The following RBM47 variants were observed in gnomAD, a reference collection of about 807,000 sequenced individuals.
RBM47 encodes RNA-binding protein 47.
RBM47 carries 21 observed loss-of-function variants against 47.1 expected under a neutral mutation model. The ratio of observed to expected loss-of-function variants is 0.45; its 90% confidence interval spans 0.32 to 0.64. RBM47 has a LOEUF of 0.64. Ranked by LOEUF, RBM47 falls within the 30% of genes least tolerant of loss-of-function variation. The pLI, the probability that RBM47 is intolerant of heterozygous loss-of-function variation, is 0.05. For missense variants in RBM47, 708 were observed against 870.9 expected (o/e 0.81, Z 2.35); for synonymous variants, 375 against 361.7 (o/e 1.04, Z -0.42).
chr4:40,572,396 A>G (rs943901840), intron 1 of RBM47, among the ~76,000 whole-genome samples: 6 of 151,938 alleles, frequency 3.9e-5, no homozygotes, highest in Admixed American at 1.3e-4. Flanking sequence ...GGAAGCTCTC[A>G]ATGTACTGTT....
intron 2 of RBM47, among the ~76,000 whole-genome samples, chr4:40,524,320 T>C (rs1051771976): frequency 6.6e-6 from 1 of 152,200 alleles, no homozygotes; most frequent in Non-Finnish European, 1.5e-5. Context: ...AGCTAATTAT[T>C]GGTGGAAAGC....
intron 1 of RBM47, among the ~76,000 whole-genome samples, chr4:40,617,020 C>T (rs1328943322): frequency 5.3e-5 from 8 of 151,374 alleles, no homozygotes; most frequent in Non-Finnish European, 1.0e-4. Flanking sequence ...GGATTACAGG[C>T]GCCCGCCACT....
At chr4:40,508,092 C>G (rs1367015226) in intron 2 of RBM47, among the ~76,000 whole-genome samples, 1 of 152,152 alleles carries the variant, frequency 6.6e-6, no homozygotes, top group East Asian at 1.9e-4. Context: ...GTCTGCAGTA[C>G]GTAAAACCTG....
chr4:40,583,400 A>AG (rs1560486114), intron 1 of RBM47, among the ~76,000 whole-genome samples: 1 of 149,810 alleles, frequency 6.7e-6, no homozygotes, highest in East Asian at 2.0e-4. Flanking sequence ...AAAAAAAAAA[A>AG]AAAAAAAAAA....
intron 3 of RBM47, among the ~76,000 whole-genome samples, chr4:40,458,328 T>C (rs1716597700): frequency 6.6e-6 from 1 of 152,186 alleles, no homozygotes; most frequent in South Asian, 2.1e-4. Context: ...TTGGTGAACA[T>C]TAGTCATTTC....
intron 1 of RBM47, among the ~76,000 whole-genome samples, chr4:40,547,259 C>T (rs910736442): frequency 1.1e-4 from 16 of 152,176 alleles, no homozygotes; most frequent in Non-Finnish European, 2.1e-4. Context: ...CCTAGTATCT[C>T]ACAATGTGAC....
In RBM47 at chr4:40,531,414, A is replaced by AT. The variant is rs111953755; in HGVS notation, c.-155+13007dup. Among the ~76,000 whole-genome samples the AT allele has an allele frequency of 9.2e-3, 1,406 of 152,052 alleles. 18 individuals are homozygous for AT. Among genetic ancestry groups the AT allele is most frequent in the African/African-American group, 0.032 (1,320 of 41,468 alleles). ...CTCCCCTGGTCCTAGGACAAGGAGG[A>AT]TGCTGGCCTGCCAAGCAGAGAGGGT... is the stretch of plus-strand genomic sequence containing the variant. On this transcript the variant is annotated intron_variant, in intron 2 of 6. Coordinates refer to ENST00000295971, the MANE Select transcript of RBM47 (RefSeq NM_001098634.2).
chr4:40,500,991 T>C (rs951458390), intron 2 of RBM47, among the ~76,000 whole-genome samples: 8 of 152,032 alleles, frequency 5.3e-5, no homozygotes, highest in African/African-American at 1.9e-4. Flanking sequence ...TGCAAGTCAA[T>C]ATTTAAACTG....
At chr4:40,488,132 GC>G (rs749231109) in intron 2 of RBM47, among the ~76,000 whole-genome samples, 40 of 152,064 alleles carry the variant, frequency 2.6e-4, no homozygotes, top group Non-Finnish European at 4.6e-4. Flanking sequence ...GACCAGCCTG[GC>G]CAACATGGTG....
At chr4:40,520,296 A>AT (rs1726074256) in intron 2 of RBM47, among the ~76,000 whole-genome samples, 1 of 152,100 alleles carries the variant, frequency 6.6e-6, no homozygotes, top group Non-Finnish European at 1.5e-5. Context: ...TTATAATAGC[A>AT]TTTTCCACCT....
At chr4:40,511,118 T>C (rs1423558976) in intron 2 of RBM47, among the ~76,000 whole-genome samples, 1 of 152,194 alleles carries the variant, frequency 6.6e-6, no homozygotes, top group African/African-American at 2.4e-5. Flanking sequence ...ATGGCCCAAG[T>C]GTCTGAAGGT....
rs541965857 is a variant in RBM47, at chr4:40,495,055, C to T, written c.-154-28356G>A. Among the ~76,000 whole-genome samples the T allele has an allele frequency of 5.9e-5, 9 of 152,288 alleles. No homozygotes were observed. In the East Asian group the frequency reaches 1.7e-3, roughly 29 times the overall value. Reference sequence around the variant, plus strand: ...TTCCCCAGCTCAAGCGATCCTCCTGCCTCAGCCTCCTGAGCAGCTGGGACT... The same window carrying T: ...TTCCCCAGCTCAAGCGATCCTCCTGTCTCAGCCTCCTGAGCAGCTGGGACT... On this transcript the variant is annotated intron_variant, in intron 2 of 6. Coordinates refer to ENST00000295971, the MANE Select transcript of RBM47 (RefSeq NM_001098634.2).
intron 1 of RBM47, among the ~76,000 whole-genome samples, chr4:40,548,414 C>A (rs143769408): frequency 1.3e-5 from 2 of 152,250 alleles, no homozygotes; most frequent in East Asian, 3.9e-4. Flanking sequence ...AGGGAGCCAT[C>A]GGAGAATTTT....
chr4:40,537,056 AC>A (rs1728059540), intron 2 of RBM47, among the ~76,000 whole-genome samples: 1 of 152,132 alleles, frequency 6.6e-6, no homozygotes, highest in African/African-American at 2.4e-5. Flanking sequence ...AGACAAAGTA[AC>A]TAACCACTAG....
chr4:40,627,960 G>C (rs1737892089), intron 1 of RBM47, among the ~76,000 whole-genome samples: 1 of 152,120 alleles, frequency 6.6e-6, no homozygotes, highest in South Asian at 2.1e-4. Context: ...AAAACCAAGA[G>C]GAAGATAATA....
chr4:40,541,161 G>A (rs552376103), intron 2 of RBM47, among the ~76,000 whole-genome samples: 2 of 151,370 alleles, frequency 1.3e-5, no homozygotes, highest in East Asian at 2.0e-4. Context: ...AGCTACTCAC[G>A]AGGCTGAGGA....
chr4:40,447,092 T>C (rs893748723), intron 3 of RBM47, among the ~76,000 whole-genome samples: 6 of 152,184 alleles, frequency 3.9e-5, no homozygotes, highest in South Asian at 4.1e-4. Flanking sequence ...ACTTGCCACA[T>C]TGGATGCAAA....
At chr4:40,569,239 A>T (rs533904649) in intron 1 of RBM47, among the ~76,000 whole-genome samples, 8 of 152,106 alleles carry the variant, frequency 5.3e-5, no homozygotes, top group Middle Eastern at 3.4e-3. Flanking sequence ...CCATAGAGTG[A>T]AATTATTAGA....
chr4:40,579,423 G>GAAAAAAAAA (rs10653342), intron 1 of RBM47, among the ~76,000 whole-genome samples: 4 of 101,958 alleles, frequency 3.9e-5, no homozygotes, highest in Non-Finnish European at 5.4e-5. Flanking sequence ...CCCTGTCTCA[G>GAAAAAAAAA]AAAAAAAAAA....
Sources: gnomAD v4.1 joint callset for allele counts (sites outside exome capture counted in the v4.1 genomes callset) on GRCh38, gnomAD v4.1.1 for gene constraint, MANE v1.5 for transcripts, NCBI Gene and HGNC (gene_info 2026-07-23, HGNC 2026-07-21) for gene names.